Variants in GPC6 observed in about 807,000 individuals in gnomAD.
GPC6 encodes the protein glypican-6.
In GPC6, 14 loss-of-function variants were observed where a neutral mutation model predicts 55.2. The observed-to-expected ratio is 0.25, with a 90% CI of 0.17 to 0.40. GPC6 has a LOEUF of 0.40. GPC6 is among the 10% of genes least tolerant of loss of function. GPC6 has a pLI of 1.00. For missense variants in GPC6, 641 were observed against 708.5 expected, an observed-to-expected ratio of 0.90 and a Z score of 1.08; for synonymous variants, 278 against 259.6, an observed-to-expected ratio of 1.07 and a Z score of -0.68.
chr13:94,258,255 G>C (rs1231992178), intron 4 of GPC6, among the ~76,000 whole-genome samples: 1 of 152,176 alleles, frequency 6.6e-6, no homozygotes, highest in Non-Finnish European at 1.5e-5. Flanking sequence ...GCATTTTTCT[G>C]ACCACGGAAC....
At chr13:93,673,700 G>A (rs1471685957) in intron 2 of GPC6, among the ~76,000 whole-genome samples, 6 of 152,092 alleles carry the variant, frequency 3.9e-5, no homozygotes, top group Non-Finnish European at 1.5e-5. Flanking sequence ...CAACCACAAT[G>A]GTTGTGGTCA....
At chr13:93,650,504 A>C (rs990933218) in intron 2 of GPC6, among the ~76,000 whole-genome samples, 1 of 149,452 alleles carries the variant, frequency 6.7e-6, no homozygotes, top group African/African-American at 2.4e-5. Flanking sequence ...AACTGAAAAA[A>C]AATACTGCCT....
chr13:93,739,792 G>A (rs1372796150), intron 2 of GPC6, among the ~76,000 whole-genome samples: 1 of 152,114 alleles, frequency 6.6e-6, no homozygotes, highest in Admixed American at 6.6e-5. Context: ...CACTAGCGTA[G>A]GGATTTAATC....
At chr13:93,973,010 T>G (rs1270770284) in intron 3 of GPC6, among the ~76,000 whole-genome samples, 1 of 151,940 alleles carries the variant, frequency 6.6e-6, no homozygotes, top group African/African-American at 2.4e-5. Context: ...TTAAATCTTC[T>G]AAGTGGAAGT....
At chr13:93,931,958 G>A (rs985884797) in intron 3 of GPC6, among the ~76,000 whole-genome samples, 1 of 152,060 alleles carries the variant, frequency 6.6e-6, no homozygotes, top group Admixed American at 6.6e-5. Flanking sequence ...GCGGGATAGA[G>A]GACTTGGAGC....
upstream of GPC6, among the ~76,000 whole-genome samples, chr13:93,223,143 T>C (rs946902261): frequency 6.8e-6 from 1 of 146,856 alleles, no homozygotes; most frequent in African/African-American, 2.5e-5. Flanking sequence ...GTGAGCACAA[T>C]GCCCCCTGAC....
chr13:94,192,767 C>A (rs990087697), intron 4 of GPC6, among the ~76,000 whole-genome samples: 2 of 152,148 alleles, frequency 1.3e-5, no homozygotes, highest in African/African-American at 4.8e-5. Flanking sequence ...AACATTACTG[C>A]GCACCTCAGT....
At chr13:93,852,675 T>A (rs1888446986) in intron 3 of GPC6, among the ~76,000 whole-genome samples, 1 of 151,722 alleles carries the variant, frequency 6.6e-6, no homozygotes, top group Non-Finnish European at 1.5e-5. Context: ...TCTCAATTCT[T>A]GTACACATGG....
chr13:93,472,101 T>G (rs950416338), intron 1 of GPC6, among the ~76,000 whole-genome samples: 1 of 152,256 alleles, frequency 6.6e-6, no homozygotes, highest in African/African-American at 2.4e-5. Flanking sequence ...CTTGGCCACT[T>G]GACCATAGTG....
At chr13:93,457,954 G>T (rs923015053) in intron 1 of GPC6, among the ~76,000 whole-genome samples, 1 of 152,190 alleles carries the variant, frequency 6.6e-6, no homozygotes, top group African/African-American at 2.4e-5. Context: ...TCTCCTTTCT[G>T]CCTCTCCCTC....
intron 3 of GPC6, among the ~76,000 whole-genome samples, chr13:93,969,746 C>G (rs57354855): frequency 0.025 from 3,822 of 152,024 alleles, 123 homozygotes; most frequent in East Asian, 0.12. Context: ...TTCCTGGCCT[C>G]TGGTAGCCAC....
chr13:94,286,526 G>GTAT, intron 5 of GPC6, 47 bp downstream of exon 5: 1 of 1,552,800 alleles, frequency 6.4e-7, no homozygotes, highest in Non-Finnish European at 8.9e-7. Context: ...TGTTATACAG[G>GTAT]TGCAATAACC....
intron 4 of GPC6, among the ~76,000 whole-genome samples, chr13:94,053,005 C>T (rs762790197): frequency 3.9e-5 from 6 of 152,232 alleles, no homozygotes; most frequent in African/African-American, 7.2e-5. Flanking sequence ...CATCACCTCC[C>T]GTTTTCTCAA....
chr13:93,272,457 G>A (rs957910685), intron 1 of GPC6, among the ~76,000 whole-genome samples: 58 of 147,382 alleles, frequency 3.9e-4, no homozygotes, highest in Non-Finnish European at 7.4e-4. Context: ...AAATTTGAGA[G>A]GAAATTGAAG....
chr13:94,094,098 G>A (rs1181099254), intron 4 of GPC6, among the ~76,000 whole-genome samples: 2 of 151,992 alleles, frequency 1.3e-5, no homozygotes, highest in Admixed American at 1.3e-4. Context: ...AAGTTTATAT[G>A]AGGGTATGAG....
At chr13:93,231,406 T>TAC (rs1876047877) in intron 1 of GPC6, among the ~76,000 whole-genome samples, 1 of 39,758 alleles carries the variant, frequency 2.5e-5, no homozygotes, top group African/African-American at 1.2e-4. Flanking sequence ...TGTATATATA[T>TAC]ATATATATAT....
chr13:93,249,632 T>A (rs1291838538), intron 1 of GPC6, among the ~76,000 whole-genome samples: 1 of 152,208 alleles, frequency 6.6e-6, no homozygotes. Flanking sequence ...AGAAATAGTA[T>A]GTCTTTTGAT....
intron 3 of GPC6, among the ~76,000 whole-genome samples, chr13:93,938,883 C>T (rs964866038): frequency 6.6e-6 from 1 of 152,098 alleles, no homozygotes; most frequent in Admixed American, 6.6e-5. Context: ...GTGGGCGGAT[C>T]ACAAAGTCAA....
chr13:93,467,044 A>G (rs2139322539), intron 1 of GPC6, among the ~76,000 whole-genome samples: 1 of 152,340 alleles, frequency 6.6e-6, no homozygotes, highest in South Asian at 2.1e-4. Flanking sequence ...TCAGGGGTTC[A>G]GCCCCATGTT....
Sources: gnomAD v4.1 joint callset for allele counts (sites outside exome capture counted in the v4.1 genomes callset) on GRCh38, gnomAD v4.1.1 for gene constraint, MANE v1.5 for transcripts, NCBI Gene and HGNC (gene_info 2026-07-23, HGNC 2026-07-21) for gene names.